The following TRANK1 variants were observed in gnomAD, a reference collection of about 807,000 sequenced individuals.
TRANK1 encodes the protein TPR and ankyrin repeat-containing protein 1.
Under a neutral mutation model 266.0 loss-of-function variants are expected in TRANK1, and 198 were observed. That is an observed-to-expected ratio of 0.74 (90% CI 0.66 to 0.84). The LOEUF (loss-of-function observed/expected upper bound fraction) is 0.84. Ranked by LOEUF, TRANK1 falls within the 40% of genes least tolerant of loss-of-function variation. The pLI is 0.00. For synonymous variants in TRANK1, 1,396 were observed against 1,384.1 expected, an observed-to-expected ratio of 1.01 and a Z score of -0.19; for missense variants, 3,326 against 3,634.6, an observed-to-expected ratio of 0.92 and a Z score of 2.18.
At chr3:36,829,308 T>C (rs766366522) in intron 23 of TRANK1, among the ~76,000 whole-genome samples, 13 of 152,210 alleles carry the variant, frequency 8.5e-5, no homozygotes, top group Non-Finnish European at 1.6e-4. Context: ...CTGAGCATTA[T>C]CAGTAACAGC....
At chr3:36,864,607 T>C (rs1312751231) in intron 9 of TRANK1, 127 bp from the exon 10 acceptor site, 1 of 858,742 alleles carries the variant, frequency 1.2e-6, no homozygotes, top group African/African-American at 1.7e-5. Context: ...GCTGCTCCTC[T>C]CATCAAGAAG....
chr3:36,942,137 G>A (rs750680039), intron 1 of TRANK1, among the ~76,000 whole-genome samples: 2 of 152,154 alleles, frequency 1.3e-5, no homozygotes, highest in African/African-American at 2.4e-5. Context: ...AATAATGAGG[G>A]CATATACTAT....
At position 36,860,529 on chromosome 3, in the gene TRANK1, T is replaced by C. The variant is rs555548860; in HGVS notation, c.1495+377A>G. ...CAGAAAAGAATGTCACAGGAGTAGATAAGGATCCACACAGTATATCCACTG... is the reference window on the plus strand; with the variant it reads ...CAGAAAAGAATGTCACAGGAGTAGACAAGGATCCACACAGTATATCCACTG... On this transcript the variant is annotated intron_variant, in intron 11 of 23. Transcript: ENST00000645898. 7.2e-5 allele frequency among the ~76,000 whole-genome samples: 11 copies of C among 152,172 alleles called. No individual in the cohort carries two copies. The South Asian group carries it at 2.3e-3, about 32-fold the overall frequency.
intron 17 of TRANK1, among the ~76,000 whole-genome samples, chr3:36,845,988 T>C (rs1328600982): frequency 6.6e-6 from 1 of 152,210 alleles, no homozygotes; most frequent in African/African-American, 2.4e-5. Context: ...AAAGGGCCTA[T>C]TTCCTCTAGC....
intron 8 of TRANK1, among the ~76,000 whole-genome samples, chr3:36,878,922 T>G (rs1458603175): frequency 2.7e-4 from 41 of 152,146 alleles, no homozygotes; most frequent in Non-Finnish European, 1.5e-5. Flanking sequence ...TTGGCAACAA[T>G]AAAATTTTTC....
intron 1 of TRANK1, among the ~76,000 whole-genome samples, chr3:36,923,277 T>C (rs1048600202): frequency 4.5e-5 from 6 of 133,730 alleles, no homozygotes; most frequent in Non-Finnish European, 9.6e-5. Context: ...TTTTTTGAGG[T>C]GGAGTCCCGC....
chr3:36,845,198 G>A (rs997539762), intron 17 of TRANK1, among the ~76,000 whole-genome samples: 6 of 152,186 alleles, frequency 3.9e-5, no homozygotes, highest in African/African-American at 1.4e-4. Flanking sequence ...AATAATAGGT[G>A]TATACATGAA....
Position 36,860,976 on chromosome 3 carries a change from G to A in TRANK1, c.1425C>T (p.Thr475=), listed in dbSNP as rs768763787. 1 of 1,537,740 alleles carries A rather than the reference G, an allele frequency of 6.5e-7. No individual in the cohort carries two copies. Among genetic ancestry groups the A allele is most frequent in the East Asian group, 2.4e-5 (1 of 40,918 alleles). ...DCNFSDLDIC[T]IIPHLSTWDQ... ...CCCAGGTGCTGAGATGGGGGATGAT[G>A]GTACAGATGTCGAGGTCTGAGAAGT... is the stretch of plus-strand genomic sequence containing the variant. The change falls in exon 11 of 24, where the codon ACC becomes ACT. Residue 475 remains threonine, a synonymous_variant. Coordinates refer to ENST00000645898, the MANE Select transcript of TRANK1 (RefSeq NM_001329998.2).
At chr3:36,944,584 C>T (rs903773599) in intron 1 of TRANK1, among the ~76,000 whole-genome samples, 1 of 152,120 alleles carries the variant, frequency 6.6e-6, no homozygotes, top group Admixed American at 6.5e-5. Context: ...CCGAAAAGGC[C>T]GAAGCCGTCC....
intron 15 of TRANK1, chr3:36,850,744 G>C: frequency 1.0e-6 from 1 of 984,856 alleles, no homozygotes; most frequent in Non-Finnish European, 1.2e-6. Context: ...TGTAATAGTT[G>C]TGCTATTAAG....
chr3:36,835,276 G>A (rs974183461), intron 20 of TRANK1, among the ~76,000 whole-genome samples: 2 of 116,708 alleles, frequency 1.7e-5, no homozygotes, highest in Non-Finnish European at 3.2e-5. Context: ...CCGAGATCCC[G>A]CCACTGCACT....
intron 2 of TRANK1, 96 bp from the exon 3 acceptor site, chr3:36,903,371 G>A: frequency 7.0e-7 from 1 of 1,433,870 alleles, no homozygotes; most frequent in Non-Finnish European, 9.3e-7. Context: ...CCATCAGGAA[G>A]GGGGTTTCAG....
At chr3:36,898,950 T>C (rs1367386466) in intron 4 of TRANK1, among the ~76,000 whole-genome samples, 159 bp downstream of exon 4, 1 of 151,874 alleles carries the variant, frequency 6.6e-6, no homozygotes, top group Non-Finnish European at 1.5e-5. Flanking sequence ...CACCGAAGCA[T>C]CCAAAATGCT....
rs1186208632 is a variant in TRANK1, at chr3:36,838,430, C to A, written c.5459G>T (p.Cys1820Phe). The change falls in exon 20 of 24, where the codon TGT (cysteine) becomes TTT (phenylalanine). Residue 1820 changes from cysteine (C) to phenylalanine (F), a missense_variant. Transcript: ENST00000645898. The stretch of plus-strand genomic sequence containing the variant: ...CTGGAACTCCTTGGCATAGCTCAGA[C>A]ACTTAAGGGACAGTGTTGGCTCTTT... Reference protein sequence around the residue: ...ECKEPTLSLKCLSYAKEFQLS... With the variant: ...ECKEPTLSLKFLSYAKEFQLS... 1 of 1,613,952 alleles carries A rather than the reference C, an allele frequency of 6.2e-7. No homozygotes were observed. The highest frequency in any genetic ancestry group is 8.5e-7 in the Non-Finnish European group (1 of 1,179,916).
intron 8 of TRANK1, chr3:36,880,133 A>AAT (rs1178148833): frequency 7.4e-6 from 1 of 134,276 alleles, no homozygotes; most frequent in Non-Finnish European, 1.6e-5. Context: ...TAAACATATA[A>AAT]ATATATATAA....
At chr3:36,840,729 C>G (rs2078832724) in intron 18 of TRANK1, among the ~76,000 whole-genome samples, 1 of 152,162 alleles carries the variant, frequency 6.6e-6, no homozygotes, top group South Asian at 2.1e-4. Context: ...ATCCAGGAAC[C>G]CCAGTCACCC....
chr3:36,908,530 A>G, intron 1 of TRANK1, 76 bp from the exon 2 acceptor site: 1 of 1,231,882 alleles, frequency 8.1e-7, no homozygotes. Flanking sequence ...CATTGCTGAA[A>G]TCTGGAGAAG....
intron 15 of TRANK1, 65 bp from the exon 16 acceptor site, chr3:36,847,411 T>G: frequency 6.4e-7 from 1 of 1,556,888 alleles, no homozygotes; most frequent in South Asian, 1.2e-5. Flanking sequence ...ACAGCCTCCC[T>G]GAGCTTCATG....
rs2078696026 is a variant in TRANK1 at position 36,831,656 on chromosome 3, G to A, written c.7927C>T (p.Leu2643=). The A allele has an allele frequency of 6.2e-7, 1 of 1,613,906 alleles. No individual in the cohort carries two copies. ...DLLFERDEEY[L]MDCDWRWDPV... Reference sequence around the variant, plus strand: ...TCCCACCGCCAGTCACAGTCCATTAGGTACTCTTCATCCCGCTCAAAGAGC... The same window carrying A: ...TCCCACCGCCAGTCACAGTCCATTAAGTACTCTTCATCCCGCTCAAAGAGC... Residue 2643 remains leucine (L), a synonymous_variant, in exon 22 of 24, where the codon CTA becomes TTA. Coordinates refer to ENST00000645898, the MANE Select transcript of TRANK1 (RefSeq NM_001329998.2). The surrounding 1 kb of genome is among the most constrained non-coding windows in gnomAD (Gnocchi z 5.0).
Sources: allele counts gnomAD v4.1 joint callset (sites outside exome capture counted in the v4.1 genomes callset), GRCh38; gene constraint gnomAD v4.1.1; non-coding constraint Gnocchi (gnomAD v3.1); transcripts MANE v1.5; gene names NCBI Gene and HGNC (gene_info 2026-07-23, HGNC 2026-07-21).